Variants in ARHGAP18 observed in about 807,000 individuals in gnomAD.
ARHGAP18 encodes the protein Rho GTPase activating protein 18, also known as rho GTPase-activating protein 18.
A neutral mutation model predicts 86.2 loss-of-function variants in ARHGAP18; 67 were observed. The observed-to-expected ratio is 0.78, with a 90% CI of 0.64 to 0.95. ARHGAP18 has a LOEUF of 0.95. Among genes scored for constraint, ARHGAP18 ranks in the 40% least tolerant of loss-of-function variants. ARHGAP18 has a pLI of 0.00. For synonymous variants in ARHGAP18, 283 were observed against 280.4 expected (o/e 1.01, Z -0.09); for missense variants, 691 against 780.4 (o/e 0.89, Z 1.37).
rs1016341785 is a variant in ARHGAP18 at position 129,576,335 on chromosome 6, C to A, written c.*2178G>T. On this transcript the variant is annotated 3_prime_UTR_variant, in exon 15 of 15. Coordinates refer to ENST00000368149, the MANE Select transcript of ARHGAP18 (RefSeq NM_033515.3). Reference sequence around the variant, plus strand: ...TTAGAGCCAGGCATGGTGGCATGCACCTGTGGTCCTAGCTACTCACGAGGC... The same window carrying A: ...TTAGAGCCAGGCATGGTGGCATGCAACTGTGGTCCTAGCTACTCACGAGGC... 4 of 152,088 alleles carry A rather than the reference C, an allele frequency of 2.6e-5. No homozygotes were observed. Among genetic ancestry groups the A allele is most frequent in the Admixed American group, 6.6e-5 (1 of 15,256 alleles). The allele number at this position is 152,088 out of a possible 1,614,324, so 9.4% of individuals were successfully genotyped here. A position where few individuals can be genotyped will look rare whatever the true frequency, so the allele number is the denominator to read the frequency against.
At chr6:129,636,309 G>A (rs1296182325) in intron 3 of ARHGAP18, among the ~76,000 whole-genome samples, 2 of 152,134 alleles carry the variant, frequency 1.3e-5, no homozygotes, top group Non-Finnish European at 2.9e-5. Context: ...CAGCTAGAAG[G>A]GCTTTCTTGC....
At chr6:129,703,564 T>C (rs958246194) in intron 1 of ARHGAP18, among the ~76,000 whole-genome samples, 14 of 152,204 alleles carry the variant, frequency 9.2e-5, no homozygotes, top group African/African-American at 2.9e-4. Flanking sequence ...TAAACTTAAT[T>C]AAAAGTTCTA....
chr6:129,698,144 T>G (rs1445840453), intron 1 of ARHGAP18, among the ~76,000 whole-genome samples: 2 of 152,208 alleles, frequency 1.3e-5, no homozygotes, highest in Non-Finnish European at 2.9e-5. Flanking sequence ...TAGAACCCAA[T>G]TGAGATGCAC....
chr6:129,598,042 A>G (rs1366939523), intron 12 of ARHGAP18, among the ~76,000 whole-genome samples: 1 of 152,158 alleles, frequency 6.6e-6, no homozygotes, highest in Non-Finnish European at 1.5e-5. Flanking sequence ...TAAATGCCCT[A>G]TAAAAAGACA....
At chr6:129,629,115 G>A (rs1439865868) in intron 5 of ARHGAP18, among the ~76,000 whole-genome samples, 1 of 152,018 alleles carries the variant, frequency 6.6e-6, no homozygotes, top group Non-Finnish European at 1.5e-5. Context: ...CAGGTGTGAT[G>A]GCTCATCCCT....
intron 1 of ARHGAP18, among the ~76,000 whole-genome samples, chr6:129,656,167 C>A (rs181125144): frequency 4.3e-4 from 65 of 152,338 alleles, no homozygotes; most frequent in Admixed American, 3.5e-3. Flanking sequence ...CAAAGAAGCA[C>A]AGGGCTTTAC....
chr6:129,599,017 C>A, intron 12 of ARHGAP18, 199 bp downstream of exon 12: 1 of 401,146 alleles, frequency 2.5e-6, no homozygotes, highest in South Asian at 5.1e-5. Context: ...CATGCTGAGT[C>A]ACCAACACCT....
rs145400012 is a variant in ARHGAP18 at position 129,694,926 on chromosome 6, T to C, written c.113+15098A>G. On this transcript the variant is annotated intron_variant, in intron 1 of 14. Coordinates refer to ENST00000368149, the MANE Select transcript of ARHGAP18 (RefSeq NM_033515.3). ...CAAGGTGGAGATTCTGCAAAGCTTG[T>C]CAATATCTGTAAAGCATATGGTAGC... Among the ~76,000 whole-genome samples, 925 of 152,310 alleles carry C rather than the reference T, an allele frequency of 6.1e-3. 3 individuals are homozygous for C. Among genetic ancestry groups the C allele is most frequent in the Middle Eastern group, 0.014 (4 of 294 alleles).
chr6:129,673,722 C>G (rs1213633467), intron 1 of ARHGAP18, among the ~76,000 whole-genome samples: 1 of 152,158 alleles, frequency 6.6e-6, no homozygotes, highest in East Asian at 1.9e-4. Context: ...TTAATGGTAT[C>G]TGCAGAAAAG....
At position 129,598,188 on chromosome 6, in the gene ARHGAP18, T is replaced by C. The variant is rs141508007; in HGVS notation, c.1713+1028A>G. 8.2e-3 allele frequency among the ~76,000 whole-genome samples: 1,244 copies of C among 152,258 alleles called. 17 individuals carry two copies. Among genetic ancestry groups the C allele is most frequent in the East Asian group, 0.043 (221 of 5,176 alleles). The stretch of plus-strand genomic sequence containing the variant: ...AAAAAAAAGGCTTTCTAAAAGCCTT[T>C]AGGATAATATCAAGGCCTTTCTAAA... On this transcript the variant is annotated intron_variant, in intron 12 of 14. Coordinates refer to ENST00000368149, the MANE Select transcript of ARHGAP18 (RefSeq NM_033515.3).
At chr6:129,681,646 C>T (rs942942363) in intron 1 of ARHGAP18, among the ~76,000 whole-genome samples, 1 of 152,072 alleles carries the variant, frequency 6.6e-6, no homozygotes, top group African/African-American at 2.4e-5. Context: ...CTTGTATAAA[C>T]AGAATAAATA....
chr6:129,704,977 G>A (rs1361287417), intron 1 of ARHGAP18, among the ~76,000 whole-genome samples: 1 of 152,072 alleles, frequency 6.6e-6, no homozygotes, highest in Non-Finnish European at 1.5e-5. Context: ...ACTCTATCTA[G>A]GCTTATGGCT....
At chr6:129,700,160 A>C (rs1478023085) in intron 1 of ARHGAP18, among the ~76,000 whole-genome samples, 1 of 152,204 alleles carries the variant, frequency 6.6e-6, no homozygotes, top group Non-Finnish European at 1.5e-5. Context: ...ATATAAATAA[A>C]TTTTAAGGGC....
At chr6:129,629,621 C>T in intron 4 of ARHGAP18, 99 bp from the exon 5 acceptor site, 1 of 1,235,174 alleles carries the variant, frequency 8.1e-7, no homozygotes, top group East Asian at 2.5e-5. Context: ...GGGAAGAGTA[C>T]TATTTTCTCT....
chr6:129,682,942 T>C (rs1257887572), intron 1 of ARHGAP18, among the ~76,000 whole-genome samples: 4 of 152,236 alleles, frequency 2.6e-5, no homozygotes, highest in Non-Finnish European at 5.9e-5. Context: ...TTCTATTGAT[T>C]GTTCTATTTC....
At chr6:129,605,607 G>A (rs762240511) in intron 10 of ARHGAP18, among the ~76,000 whole-genome samples, 7 of 151,656 alleles carry the variant, frequency 4.6e-5, no homozygotes, top group African/African-American at 9.7e-5. Flanking sequence ...AACCACCCAC[G>A]TTTCCATTAA....
chr6:129,691,678 C>T (rs956254523), intron 1 of ARHGAP18, among the ~76,000 whole-genome samples: 5 of 152,104 alleles, frequency 3.3e-5, no homozygotes, highest in Admixed American at 6.5e-5. Context: ...AGCATAATCT[C>T]GGAGGTGTGA....
intron 11 of ARHGAP18, among the ~76,000 whole-genome samples, chr6:129,600,353 A>G (rs1788712763): frequency 6.6e-6 from 1 of 152,204 alleles, no homozygotes; most frequent in Non-Finnish European, 1.5e-5. Context: ...GTCTATGAAA[A>G]AGAACTGAAT....
intron 1 of ARHGAP18, among the ~76,000 whole-genome samples, chr6:129,651,878 C>T (rs1773718523): frequency 7.2e-6 from 1 of 138,472 alleles, no homozygotes; most frequent in African/African-American, 2.7e-5. Flanking sequence ...CAAGGAGATG[C>T]TATTAGAAAA....
Sources: gnomAD v4.1 joint callset for allele counts (sites outside exome capture counted in the v4.1 genomes callset) on GRCh38, gnomAD v4.1.1 for gene constraint, MANE v1.5 for transcripts, NCBI Gene and HGNC (gene_info 2026-07-23, HGNC 2026-07-21) for gene names.